NAV2: variants seen among roughly 807,000 people sequenced by gnomAD.
NAV2 encodes neuron navigator 2.
A neutral mutation model predicts 223.2 loss-of-function variants in NAV2; 54 were observed. The observed-to-expected ratio is 0.24, with a 90% CI of 0.19 to 0.30. The LOEUF is 0.30. NAV2 is among the 10% of genes least tolerant of loss of function. NAV2 has a pLI of 1.00. For missense variants in NAV2, 2,806 were observed against 3,147.5 expected (o/e 0.89, Z 2.60); for synonymous variants, 1,279 against 1,239.3 (o/e 1.03, Z -0.67).
Position 20,103,420 on chromosome 11 carries a change from G to A in NAV2, c.6572+11G>A, listed in dbSNP as rs766872281. 1.4e-5 allele frequency: 22 copies of A among 1,611,714 alleles called. No homozygotes were observed. Among genetic ancestry groups the A allele is most frequent in the Non-Finnish European group, 1.7e-5 (20 of 1,178,688 alleles). ...CAAGTACCACAAATGGTAAAGGCTG[G>A]TTCTGGACCTCATAGCCCCCCGGGA... is the stretch of plus-strand genomic sequence containing the variant. On this transcript the variant is annotated intron_variant, in intron 33 of 37. Coordinates refer to ENST00000349880, the MANE Select transcript of NAV2 (RefSeq NM_145117.5).
chr11:19,942,444 C>T (rs954548791), intron 8 of NAV2, among the ~76,000 whole-genome samples: 1 of 152,122 alleles, frequency 6.6e-6, no homozygotes, highest in Non-Finnish European at 1.5e-5. Flanking sequence ...ACCCTTCTAG[C>T]GAGAGGTTTT....
chr11:19,477,638 G>C (rs1054923648), intron 1 of NAV2, among the ~76,000 whole-genome samples: 90 of 152,214 alleles, frequency 5.9e-4, no homozygotes, highest in Non-Finnish European at 5.6e-4. Flanking sequence ...CCCCAGCATA[G>C]AGCCTGACAT....
intron 1 of NAV2, among the ~76,000 whole-genome samples, chr11:19,414,353 AT>A (rs536259262): frequency 1.0e-3 from 153 of 152,378 alleles, no homozygotes; most frequent in Middle Eastern, 3.4e-3. Flanking sequence ...AAAGAAGGGC[AT>A]TACATAATGG....
intron 1 of NAV2, among the ~76,000 whole-genome samples, chr11:19,626,875 C>T (rs1393911873): frequency 6.6e-6 from 1 of 152,180 alleles, no homozygotes; most frequent in African/African-American, 2.4e-5. Context: ...ACTTAAGCTT[C>T]TCTGACTCTG....
At position 19,886,739 on chromosome 11, in the gene NAV2, T is replaced by G. The variant is rs149978379; in HGVS notation, c.771-5695T>G. On this transcript the variant is annotated intron_variant, in intron 5 of 37. Transcript: ENST00000349880. ...TGAATGATTTGTTATCAGTCCCAGA[T>G]GATGGAAGAAGGCAGGGGGAAGAGA... Among the ~76,000 whole-genome samples the G allele has an allele frequency of 3.1e-3, 477 of 152,228 alleles. 2 individuals carry two copies. The highest frequency in any genetic ancestry group is 0.011 in the African/African-American group (458 of 41,538).
chr11:19,997,269 G>A (rs1209128587), intron 11 of NAV2, among the ~76,000 whole-genome samples: 1 of 152,182 alleles, frequency 6.6e-6, no homozygotes, highest in Admixed American at 6.5e-5. Context: ...AGAAGCTGGT[G>A]GAGCACTATG....
chr11:19,828,933 A>T (rs1344732410), intron 1 of NAV2, among the ~76,000 whole-genome samples: 2 of 152,210 alleles, frequency 1.3e-5, no homozygotes, highest in African/African-American at 4.8e-5. Flanking sequence ...TTGTGAGTGT[A>T]CCTGATACTT....
chr11:19,494,128 C>A (rs1470533644), intron 1 of NAV2, among the ~76,000 whole-genome samples: 3 of 152,174 alleles, frequency 2.0e-5, no homozygotes, highest in Non-Finnish European at 4.4e-5. Flanking sequence ...GTGTGACTCT[C>A]CTGGAGAAGG....
intron 1 of NAV2, among the ~76,000 whole-genome samples, chr11:19,610,684 GGATGGATGGATAAGTA>G (rs1156989561): frequency 6.6e-6 from 1 of 152,166 alleles, no homozygotes; most frequent in South Asian, 2.1e-4. Context: ...TCCAGCAAAT[GGATGGATGGATAAGTA>G]GATGGATGGA....
At chr11:19,787,632 C>T (rs997018763) in intron 1 of NAV2, among the ~76,000 whole-genome samples, 3 of 152,094 alleles carry the variant, frequency 2.0e-5, no homozygotes, top group Admixed American at 2.0e-4. Context: ...ACAGGGATAT[C>T]AGATATGTTT....
intron 1 of NAV2, among the ~76,000 whole-genome samples, chr11:19,779,388 G>C (rs1474865719): frequency 1.3e-5 from 2 of 152,190 alleles, no homozygotes; most frequent in African/African-American, 4.8e-5. Context: ...ATGAGCCTCA[G>C]CTTTTCTGTG....
chr11:19,552,798 G>A (rs1377341269), intron 1 of NAV2, among the ~76,000 whole-genome samples: 1 of 152,054 alleles, frequency 6.6e-6, no homozygotes, highest in Non-Finnish European at 1.5e-5. Context: ...CTCTCTCCGA[G>A]GGGCTGTTTC....
At chr11:19,497,487 C>T (rs1202134620) in intron 1 of NAV2, among the ~76,000 whole-genome samples, 1 of 152,138 alleles carries the variant, frequency 6.6e-6, no homozygotes, top group Non-Finnish European at 1.5e-5. Context: ...TGGGAGCCTC[C>T]TTAGAGTGGT....
intron 1 of NAV2, among the ~76,000 whole-genome samples, chr11:19,656,119 A>G (rs1262877105): frequency 6.6e-6 from 1 of 152,166 alleles, no homozygotes; most frequent in Non-Finnish European, 1.5e-5. Flanking sequence ...TTGCTGTGCT[A>G]TGGTTATCTC....
At chr11:19,842,698 C>T (rs913420559) in intron 2 of NAV2, among the ~76,000 whole-genome samples, 173 bp from the exon 3 acceptor site, 3 of 152,134 alleles carry the variant, frequency 2.0e-5, no homozygotes, top group Admixed American at 6.5e-5. Context: ...GACGGCAGCT[C>T]GATGAGTAAG....
intron 1 of NAV2, among the ~76,000 whole-genome samples, chr11:19,706,960 A>G (rs1464557410): frequency 6.6e-6 from 1 of 152,206 alleles, no homozygotes; most frequent in Non-Finnish European, 1.5e-5. Flanking sequence ...TGTACTGATT[A>G]CCATAGGTAA....
chr11:19,824,260 A>G (rs889008964), intron 1 of NAV2, among the ~76,000 whole-genome samples: 1 of 152,256 alleles, frequency 6.6e-6, no homozygotes, highest in Admixed American at 6.5e-5. Flanking sequence ...CACCTAGCTT[A>G]TAAGGCAAAG....
chr11:19,722,585 T>A (rs2050836599), intron 1 of NAV2, among the ~76,000 whole-genome samples: 1 of 152,218 alleles, frequency 6.6e-6, no homozygotes, highest in Non-Finnish European at 1.5e-5. Context: ...GGACCATGAC[T>A]TCCATGAGGT....
intron 1 of NAV2, among the ~76,000 whole-genome samples, chr11:19,616,242 G>A (rs1459038290): frequency 6.6e-6 from 1 of 151,480 alleles, no homozygotes; most frequent in African/African-American, 2.4e-5. Context: ...TTCTGTGTTT[G>A]TAATTTAATG....
Sources: allele counts gnomAD v4.1 joint callset (sites outside exome capture counted in the v4.1 genomes callset), GRCh38; gene constraint gnomAD v4.1.1; transcripts MANE v1.5; gene names NCBI Gene and HGNC (gene_info 2026-07-23, HGNC 2026-07-21).